The following CIP2A variants were observed in gnomAD, a reference collection of about 807,000 sequenced individuals.
CIP2A encodes the protein protein CIP2A.
Under a neutral mutation model 110.9 loss-of-function variants are expected in CIP2A, and 103 were observed. The observed-to-expected ratio is 0.93, with a 90% confidence interval of 0.79 to 1.09. CIP2A has a LOEUF of 1.09. CIP2A is among the 50% of genes least tolerant of loss of function. The pLI, the probability that CIP2A is intolerant of heterozygous loss-of-function variation, is 0.00. For missense variants in CIP2A, 1,088 were observed against 1,038.4 expected (o/e 1.05, Z -0.66); for synonymous variants, 381 against 361.6 (o/e 1.05, Z -0.61).
At chr3:108,552,757 C>T (rs1404691659) in intron 19 of CIP2A, among the ~76,000 whole-genome samples, 3 of 152,252 alleles carry the variant, frequency 2.0e-5, no homozygotes, top group Admixed American at 2.0e-4. Context: ...CCTGCTGTTA[C>T]GTTCCTTCAA....
chr3:108,568,559 A>G (rs1938265666), intron 9 of CIP2A, among the ~76,000 whole-genome samples: 1 of 151,948 alleles, frequency 6.6e-6, no homozygotes, highest in South Asian at 2.1e-4. Context: ...TTTTAAACAG[A>G]CTTTGTGATT....
chr3:108,578,460 T>C (rs1023388112), intron 7 of CIP2A, among the ~76,000 whole-genome samples: 3 of 151,992 alleles, frequency 2.0e-5, no homozygotes, highest in Non-Finnish European at 4.4e-5. Flanking sequence ...AGCTGAGCCA[T>C]ATGAACAATG....
intron 2 of CIP2A, among the ~76,000 whole-genome samples, chr3:108,583,945 G>A (rs946302280): frequency 2.4e-4 from 37 of 152,046 alleles, no homozygotes; most frequent in African/African-American, 8.9e-4. Context: ...AATTTTTCTG[G>A]AAACCTCAAA....
Position 108,568,243 on chromosome 3 carries a change from ATC to A in CIP2A, c.1183_1184del (p.Asp395SerfsTer11), listed in dbSNP as rs771102980. On this transcript the variant is annotated frameshift_variant, in exon 10 of 21. Transcript: ENST00000295746. LOFTEE classifies it high-confidence loss of function. Reference sequence around the variant, plus strand: ...GATTTTGTTCTGTGAACTGAAGTTGATCAAGGATTGTAGGCAGCAGAAGGGTC... The same window carrying A: ...GATTTTGTTCTGTGAACTGAAGTTGAAAGGATTGTAGGCAGCAGAAGGGTC... ...FVTLLLPTIL[D>X]QLQFTEQNLD... 4.3e-6 allele frequency: 7 copies of A among 1,612,430 alleles called. No homozygotes were observed. In the East Asian group the frequency reaches 1.6e-4, roughly 36 times the overall value.
intron 12 of CIP2A, among the ~76,000 whole-genome samples, chr3:108,564,356 TAC>T (rs1037773983): frequency 6.6e-6 from 1 of 152,018 alleles, no homozygotes; most frequent in Non-Finnish European, 1.5e-5. Context: ...ACACTGTCTA[TAC>T]AGTCACTAGA....
At chr3:108,560,919 A>T (rs1445692981) in intron 13 of CIP2A, 78 bp from the exon 14 acceptor site, 4 of 877,778 alleles carry the variant, frequency 4.6e-6, no homozygotes, top group Non-Finnish European at 6.6e-6. Flanking sequence ...GAATTAGGGA[A>T]TTTTTAAGAA....
intron 19 of CIP2A, among the ~76,000 whole-genome samples, chr3:108,552,577 A>G (rs918698984): frequency 2.6e-5 from 4 of 152,136 alleles, no homozygotes; most frequent in Non-Finnish European, 5.9e-5. Context: ...CTATATAGGT[A>G]AAGGACAATT....
At chr3:108,553,180 T>C (rs188037812) in intron 19 of CIP2A, among the ~76,000 whole-genome samples, 21 of 131,590 alleles carry the variant, frequency 1.6e-4, no homozygotes, top group African/African-American at 5.5e-4. Flanking sequence ...CAGGTTGGAG[T>C]GCAGTGGCGT....
At chr3:108,582,320 A>T (rs1938910716) in intron 3 of CIP2A, 118 bp from the exon 4 acceptor site, 1 of 452,700 alleles carries the variant, frequency 2.2e-6, no homozygotes. Flanking sequence ...CAATTTTTTT[A>T]AAAAACACAT....
chr3:108,583,220 A>G, intron 2 of CIP2A, 137 bp from the exon 3 acceptor site: 4 of 440,336 alleles, frequency 9.1e-6, no homozygotes, highest in Non-Finnish European at 1.2e-5. Flanking sequence ...CTTTATGATA[A>G]CCCTCCAATT....
At chr3:108,570,068 C>A (rs573489451) in intron 8 of CIP2A, among the ~76,000 whole-genome samples, 1 of 152,016 alleles carries the variant, frequency 6.6e-6, no homozygotes, top group Non-Finnish European at 1.5e-5. Context: ...TGTTTGCATA[C>A]GGTTGGCATT....
chr3:108,577,009 C>T (rs1299336334), intron 7 of CIP2A, among the ~76,000 whole-genome samples: 1 of 152,090 alleles, frequency 6.6e-6, no homozygotes, highest in East Asian at 1.9e-4. Context: ...CAGTATTAAA[C>T]CCAGACTCGA....
chr3:108,579,159 T>C (rs959638903), intron 7 of CIP2A, 122 bp downstream of exon 7: 2 of 732,858 alleles, frequency 2.7e-6, no homozygotes, highest in African/African-American at 1.8e-5. Flanking sequence ...CAAAACATTT[T>C]AGTCTACTGT....
In CIP2A at chr3:108,570,226, A is replaced by G. The variant is rs894388962; in HGVS notation, c.895-619T>C. ...TACTACCAACTTATCACTAAAAAAA[A>G]AAAAATTTCTTAAGATCTCCTTGTC... On this transcript the variant is annotated intron_variant, in intron 8 of 20. Coordinates refer to ENST00000295746, the MANE Select transcript of CIP2A (RefSeq NM_020890.3). 2.7e-5 allele frequency among the ~76,000 whole-genome samples: 4 copies of G among 149,078 alleles called. No homozygotes were observed. The East Asian group carries it at 8.3e-4, about 31-fold the overall frequency.
chr3:108,566,516 C>A lies in CIP2A; in HGVS notation c.1396G>T (p.Val466Phe). The change falls in exon 11 of 21, where the codon GTT (valine) becomes TTT (phenylalanine). Residue 466 changes from valine (V) to phenylalanine (F), a missense_variant. Physicochemically the swap from Val to Phe is conservative, Grantham distance 50. Transcript: ENST00000295746. ...GKIDLGFGTK[V>F]ADSELCKLAA... ...ACTCACCATAATTCAGAATCTGCAACCTTTGTTCCAAATCCCAGGTCAATC... is the reference window on the plus strand; with the variant it reads ...ACTCACCATAATTCAGAATCTGCAAACTTTGTTCCAAATCCCAGGTCAATC... 1.2e-6 allele frequency: 2 copies of A among 1,608,186 alleles called. No individual in the cohort carries two copies. The highest frequency in any genetic ancestry group is 1.7e-6 in the Non-Finnish European group (2 of 1,177,022).
At chr3:108,558,300 G>T (rs1015500794) in intron 16 of CIP2A, among the ~76,000 whole-genome samples, 11 of 152,080 alleles carry the variant, frequency 7.2e-5, no homozygotes, top group Non-Finnish European at 1.2e-4. Flanking sequence ...ATTCTGAAGA[G>T]ACTTAAGAGG....
intron 7 of CIP2A, among the ~76,000 whole-genome samples, chr3:108,577,971 T>C (rs769161240): frequency 2.2e-4 from 33 of 152,092 alleles, no homozygotes; most frequent in East Asian, 1.9e-4. Flanking sequence ...ATATAAGAGG[T>C]CTGGCCCAGG....
At chr3:108,553,109 C>T (rs1559687174) in intron 19 of CIP2A, among the ~76,000 whole-genome samples, 2 of 143,712 alleles carry the variant, frequency 1.4e-5, no homozygotes, top group East Asian at 2.0e-4. Flanking sequence ...GGTCAATCAT[C>T]TCTTTCCTTT....
intron 4 of CIP2A, among the ~76,000 whole-genome samples, chr3:108,581,826 T>C (rs1938890558): frequency 6.6e-6 from 1 of 152,186 alleles, no homozygotes; most frequent in Non-Finnish European, 1.5e-5. Context: ...TTTCAGTAAT[T>C]TTTTTCTGGC....
Sources: gnomAD v4.1 joint callset for allele counts (sites outside exome capture counted in the v4.1 genomes callset) on GRCh38, gnomAD v4.1.1 for gene constraint, MANE v1.5 for transcripts, NCBI Gene and HGNC (gene_info 2026-07-23, HGNC 2026-07-21) for gene names.